Variants in DLGAP2 observed in about 807,000 individuals in gnomAD.
The protein encoded by DLGAP2 is DLG associated protein 2.
DLGAP2 carries 26 observed loss-of-function variants against 100.3 expected under a neutral mutation model. That is an observed-to-expected ratio of 0.26 (90% CI 0.19 to 0.36). The LOEUF is 0.36. Ranked by LOEUF, DLGAP2 falls within the 10% of genes least tolerant of loss-of-function variation. DLGAP2 has a pLI of 1.00. For missense variants in DLGAP2, 1,858 were observed against 1,453.2 expected, an observed-to-expected ratio of 1.28 and a Z score of -4.53; for synonymous variants, 886 against 630.1, an observed-to-expected ratio of 1.41 and a Z score of -6.08.
At chr8:1,176,076 G>A (rs1160715147) in intron 2 of DLGAP2, among the ~76,000 whole-genome samples, 1 of 152,114 alleles carries the variant, frequency 6.6e-6, no homozygotes, top group African/African-American at 2.4e-5. Context: ...ACCTGAAACT[G>A]GGTAATTTAT....
At position 829,245 on chromosome 8, in the gene DLGAP2, T is replaced by G. The variant is rs145340464; in HGVS notation, c.19-78667T>G. ...AAAGTGGAGGCAGAATGTGTAAAAATAATCAATATTTGCCTGGCTGTTGGA... is the reference window on the plus strand; with the variant it reads ...AAAGTGGAGGCAGAATGTGTAAAAAGAATCAATATTTGCCTGGCTGTTGGA... On this transcript the variant is annotated intron_variant, in intron 1 of 14. Coordinates refer to ENST00000637795, the MANE Select transcript of DLGAP2 (RefSeq NM_001346810.2). Among the ~76,000 whole-genome samples, 138 of 152,308 alleles carry G rather than the reference T, an allele frequency of 9.1e-4. 1 individual carries two copies. The highest frequency in any genetic ancestry group is 4.1e-3 in the South Asian group (20 of 4,820).
At position 1,573,555 on chromosome 8, in the gene DLGAP2, T is replaced by G. The variant is rs115079047; in HGVS notation, c.1442+7661T>G. Among the ~76,000 whole-genome samples, 891 of 152,188 alleles carry G rather than the reference T, an allele frequency of 5.9e-3. 10 individuals carry two copies. The highest frequency in any genetic ancestry group is 0.02 in the African/African-American group (844 of 41,502). On this transcript the variant is annotated intron_variant, in intron 6 of 14. Transcript: ENST00000637795. ...GGGTTTCACAGCTTGGGGAGCATATTCTTGCTTAAGTTATATTTAGTCATC... is the reference window on the plus strand; with the variant it reads ...GGGTTTCACAGCTTGGGGAGCATATGCTTGCTTAAGTTATATTTAGTCATC...
rs528571132 is a variant in DLGAP2, at chr8:1,287,337, G to C, written c.106+28454G>C. ...AGCGTGTGTGTGTGTGTGTGTGCGT[G>C]GTTCTGTTAGGAGGGGAACTAGTTT... On this transcript the variant is annotated intron_variant, in intron 3 of 14. Coordinates refer to ENST00000637795, the MANE Select transcript of DLGAP2 (RefSeq NM_001346810.2). 3.3e-3 allele frequency among the ~76,000 whole-genome samples: 455 copies of C among 138,430 alleles called. 9 individuals are homozygous for C. The highest frequency in any genetic ancestry group is 5.0e-3 in the Non-Finnish European group (323 of 64,862). The allele number at this position is 138,430 out of a possible 152,430, so 90.8% of individuals were successfully genotyped here.
intron 1 of DLGAP2, among the ~76,000 whole-genome samples, chr8:776,944 G>A (rs968640311): frequency 2.6e-5 from 4 of 152,178 alleles, no homozygotes; most frequent in Non-Finnish European, 5.9e-5. Flanking sequence ...AATGTTGACA[G>A]TGGGGTGTTA....
intron 3 of DLGAP2, among the ~76,000 whole-genome samples, chr8:1,499,306 C>T (rs73672743): frequency 0.03 from 4,509 of 152,238 alleles, 197 homozygotes; most frequent in African/African-American, 0.1. Flanking sequence ...CCTTCAAGTC[C>T]GCCCTGTGAG....
intron 3 of DLGAP2, among the ~76,000 whole-genome samples, chr8:1,441,302 T>C (rs1450669631): frequency 1.3e-5 from 2 of 152,192 alleles, no homozygotes; most frequent in East Asian, 1.9e-4. Context: ...ACGTTACTTA[T>C]GTCTGTGCTT....
chr8:995,562 A>G (rs1439099643), intron 2 of DLGAP2, among the ~76,000 whole-genome samples: 1 of 152,130 alleles, frequency 6.6e-6, no homozygotes, highest in African/African-American at 2.4e-5. Context: ...AATTTGTACC[A>G]CAAATGTCAG....
intron 2 of DLGAP2, among the ~76,000 whole-genome samples, chr8:1,001,445 C>T (rs546572458): frequency 6.6e-6 from 1 of 152,130 alleles, no homozygotes; most frequent in Non-Finnish European, 1.5e-5. Flanking sequence ...TCAAACTTTT[C>T]ATCTAGAAAA....
chr8:738,792 C>A (rs548588827), intron 1 of DLGAP2: 2 of 152,772 alleles, frequency 1.3e-5, no homozygotes, highest in African/African-American at 4.8e-5. Flanking sequence ...ACCTGGGAAC[C>A]CGGGGAGGGG....
intron 2 of DLGAP2, among the ~76,000 whole-genome samples, chr8:986,649 AAC>A (rs1280316717): frequency 1.3e-5 from 2 of 148,528 alleles, no homozygotes; most frequent in African/African-American, 5.1e-5. Flanking sequence ...CTGCATGTCA[AAC>A]ACTGTATTTG....
Position 1,672,232 on chromosome 8 carries a change from T to A in DLGAP2, c.2202+2448T>A, listed in dbSNP as rs1347478547. Among the ~76,000 whole-genome samples the A allele has an allele frequency of 4.9e-5, 7 of 143,854 alleles. No individual in the cohort carries two copies. In the East Asian group the frequency reaches 7.5e-4, roughly 15 times the overall value. The allele number at this position is 143,854 out of a possible 152,430, so 94.4% of individuals were successfully genotyped here. A position where few individuals can be genotyped will look rare whatever the true frequency, so the allele number is the denominator to read the frequency against. On this transcript the variant is annotated intron_variant, in intron 10 of 14. Coordinates refer to ENST00000637795, the MANE Select transcript of DLGAP2 (RefSeq NM_001346810.2). ...TGTTGTTGTTTTTTATTTTTAATTTTTTTTTTTTTTTTGAGATGGAGTCTC... is the reference window on the plus strand; with the variant it reads ...TGTTGTTGTTTTTTATTTTTAATTTATTTTTTTTTTTTGAGATGGAGTCTC...
chr8:1,195,937 A>G (rs1027379110), intron 2 of DLGAP2, among the ~76,000 whole-genome samples: 2 of 152,176 alleles, frequency 1.3e-5, no homozygotes, highest in Non-Finnish European at 2.9e-5. Context: ...TTTTGTTTCA[A>G]CTTAATTAAT....
At chr8:1,513,853 A>G (rs898585787) in intron 4 of DLGAP2, among the ~76,000 whole-genome samples, 2 of 93,540 alleles carry the variant, frequency 2.1e-5, no homozygotes, top group Non-Finnish European at 4.9e-5. Context: ...TCTTCCAGAC[A>G]ATGGCGGTCG....
intron 3 of DLGAP2, among the ~76,000 whole-genome samples, chr8:1,390,421 A>C (rs1235321521): frequency 1.3e-5 from 2 of 152,326 alleles, no homozygotes; most frequent in African/African-American, 4.8e-5. Flanking sequence ...TATGCATAAA[A>C]TGAAACAGAT....
intron 2 of DLGAP2, among the ~76,000 whole-genome samples, chr8:1,241,936 A>G (rs1358297829): frequency 2.6e-5 from 4 of 152,242 alleles, no homozygotes; most frequent in Admixed American, 6.5e-5. Context: ...GACAAGGTAC[A>G]TGAATGATGA....
In DLGAP2 at chr8:1,238,028, G is replaced by T. The variant is rs1433136521; in HGVS notation, c.74-20823G>T. On this transcript the variant is annotated intron_variant, in intron 2 of 14. Transcript: ENST00000637795. Reference sequence around the variant, plus strand: ...TCCGTGTCTGGTTCTCTCACATGGCGCCGTGTCTAGTTCTCTGCCACATGG... The same window carrying T: ...TCCGTGTCTGGTTCTCTCACATGGCTCCGTGTCTAGTTCTCTGCCACATGG... Among the ~76,000 whole-genome samples the T allele has an allele frequency of 8.4e-4, 6 of 7,158 alleles. 3 individuals are homozygous for T. The highest frequency in any genetic ancestry group is 6.5e-3 in the African/African-American group (6 of 926). 4.7% of individuals were successfully genotyped at this position (7,158 alleles called of 152,430 possible).
intron 2 of DLGAP2, among the ~76,000 whole-genome samples, chr8:1,178,309 G>C (rs1462596202): frequency 6.6e-6 from 1 of 152,216 alleles, no homozygotes; most frequent in African/African-American, 2.4e-5. Flanking sequence ...ATTTGGGCAA[G>C]ACCTGCGCTT....
intron 2 of DLGAP2, among the ~76,000 whole-genome samples, chr8:1,092,400 A>G (rs989006446): frequency 1.3e-5 from 2 of 152,210 alleles, no homozygotes; most frequent in Non-Finnish European, 2.9e-5. Flanking sequence ...CTTTGCCGTC[A>G]GCGATCCCGG....
At chr8:1,131,409 C>T (rs1322329380) in intron 2 of DLGAP2, among the ~76,000 whole-genome samples, 1 of 152,172 alleles carries the variant, frequency 6.6e-6, no homozygotes, top group Admixed American at 6.5e-5. Flanking sequence ...TTGCGGGAGG[C>T]GCTTTCTCAC....
Sources: gnomAD v4.1 joint callset for allele counts (sites outside exome capture counted in the v4.1 genomes callset) on GRCh38, gnomAD v4.1.1 for gene constraint, MANE v1.5 for transcripts, NCBI Gene and HGNC (gene_info 2026-07-23, HGNC 2026-07-21) for gene names.